Variants in ERICH6 observed in about 807,000 individuals in gnomAD.
ERICH6 encodes the protein glutamate-rich protein 6.
Under a neutral mutation model 71.0 loss-of-function variants are expected in ERICH6, and 71 were observed. The ratio of observed to expected loss-of-function variants is 1.00; its 90% CI spans 0.83 to 1.22. The LOEUF is 1.22. ERICH6 is among the 50% of genes most tolerant of loss of function. ERICH6 has a pLI of 0.00. For missense variants in ERICH6, 808 were observed against 797.2 expected (o/e 1.01, Z -0.16); for synonymous variants, 262 against 278.4 (o/e 0.94, Z 0.59).
In ERICH6 at chr3:150,660,176, G is replaced by A. The variant is rs760615366; in HGVS notation, c.1729-21C>T. 3.7e-6 allele frequency: 6 copies of A among 1,605,598 alleles called. No individual in the cohort carries two copies. In the East Asian group the frequency reaches 1.1e-4, roughly 30 times the overall value. The stretch of plus-strand genomic sequence containing the variant: ...GGTAGCTTTTCAGCAAAGAGAAAGA[G>A]AAGGAAACTCAGAGTCCAGAAGTGG... On this transcript the variant is annotated intron_variant, in intron 13 of 13. Transcript: ENST00000295910.
chr3:150,693,321 AG>A (rs1385112319), intron 3 of ERICH6, among the ~76,000 whole-genome samples: 2 of 152,200 alleles, frequency 1.3e-5, no homozygotes, highest in African/African-American at 2.4e-5. Flanking sequence ...GCTTTCCTTA[AG>A]GAATCAAATC....
chr3:150,677,541 G>T (rs1186847065), intron 10 of ERICH6, among the ~76,000 whole-genome samples: 1 of 151,068 alleles, frequency 6.6e-6, no homozygotes, highest in East Asian at 1.9e-4. Flanking sequence ...CTGTCACCCA[G>T]GCTGGAGTGC....
chr3:150,690,103 C>T lies in ERICH6; in HGVS notation c.554-3749G>A, dbSNP rs149117606. ...TCTCCCTCTTTGGAAACCTAGGATTCGGCATGGGCTTTGCCCAGAGCTCAG... is the reference window on the plus strand; with the variant it reads ...TCTCCCTCTTTGGAAACCTAGGATTTGGCATGGGCTTTGCCCAGAGCTCAG... On this transcript the variant is annotated intron_variant, in intron 3 of 13. Coordinates refer to ENST00000295910, the MANE Select transcript of ERICH6 (RefSeq NM_152394.5). Among the ~76,000 whole-genome samples the T allele has an allele frequency of 2.8e-4, 42 of 152,256 alleles. No homozygotes were observed. The East Asian group carries it at 4.6e-3, about 17-fold the overall frequency.
chr3:150,663,534 G>A (rs1258353223), intron 13 of ERICH6, among the ~76,000 whole-genome samples: 1 of 139,528 alleles, frequency 7.2e-6, no homozygotes, highest in Non-Finnish European at 1.5e-5. Context: ...GGCTCATGCA[G>A]CCTTGAACCC....
intron 7 of ERICH6, among the ~76,000 whole-genome samples, chr3:150,681,807 C>CT (rs34909258): frequency 0.35 from 24,705 of 70,300 alleles, 4,103 homozygotes; most frequent in South Asian, 0.46. Context: ...ACACATAACT[C>CT]TTTTTTTTTT....
At chr3:150,686,084 T>G (rs1444303111) in intron 4 of ERICH6, 63 bp from the exon 5 acceptor site, 3 of 1,385,240 alleles carry the variant, frequency 2.2e-6, no homozygotes, top group Admixed American at 1.7e-5. Flanking sequence ...ATTCCACTTC[T>G]GTAATTTGGA....
Position 150,687,256 on chromosome 3 carries a change from G to A in ERICH6, c.554-902C>T, listed in dbSNP as rs551272355. Reference sequence around the variant, plus strand: ...AAAGAGATAATTCATGTCCCAGGCAGGACAGAGTGGGATAGTGAGAGATTT... The same window carrying A: ...AAAGAGATAATTCATGTCCCAGGCAAGACAGAGTGGGATAGTGAGAGATTT... On this transcript the variant is annotated intron_variant, in intron 3 of 13. Coordinates refer to ENST00000295910, the MANE Select transcript of ERICH6 (RefSeq NM_152394.5). Among the ~76,000 whole-genome samples, 11 of 152,318 alleles carry A rather than the reference G, an allele frequency of 7.2e-5. No individual in the cohort carries two copies. In the South Asian group the frequency reaches 1.2e-3, roughly 17 times the overall value.
intron 4 of ERICH6, 115 bp downstream of exon 4, chr3:150,686,183 C>A (rs1306905823): frequency 1.5e-6 from 2 of 1,312,156 alleles, no homozygotes; most frequent in Non-Finnish European, 1.1e-6. Context: ...CTTCTCACAC[C>A]TGTTCTTAGG....
Position 150,698,793 on chromosome 3 carries a change from G to A in ERICH6, c.551C>T (p.Ser184Leu), listed in dbSNP as rs752029105. 58 of 1,612,128 alleles carry A rather than the reference G, an allele frequency of 3.6e-5. No individual in the cohort carries two copies. The highest frequency in any genetic ancestry group is 3.3e-4 in the Middle Eastern group (2 of 6,074). Residue 184 changes from serine (S) to leucine (L), a missense_variant and splice_region_variant, in exon 3 of 14, where the codon TCG (serine) becomes TTG (leucine). Coordinates refer to ENST00000295910, the MANE Select transcript of ERICH6 (RefSeq NM_152394.5). ...AGCTAAGAAATCAAACTACTCACTC[G>A]ATTGCACTTTATCAGACAAATCTTG... The part of the protein sequence containing the change: ...WLQDLSDKVQ[S>L]RKKASKEKAE...
intron 13 of ERICH6, among the ~76,000 whole-genome samples, chr3:150,665,785 G>A (rs1224685620): frequency 1.5e-5 from 2 of 137,694 alleles, no homozygotes; most frequent in African/African-American, 5.5e-5. Flanking sequence ...CTGAGATCGC[G>A]CCACTGTACT....
chr3:150,669,484 A>C (rs1342037168), intron 11 of ERICH6, 33 bp from the exon 12 acceptor site: 5 of 1,603,960 alleles, frequency 3.1e-6, no homozygotes, highest in Non-Finnish European at 4.2e-6. Flanking sequence ...AAATTGTTCT[A>C]ATGCTCCTTG....
At chr3:150,669,626 C>CA (rs1351836814) in intron 11 of ERICH6, among the ~76,000 whole-genome samples, 175 bp from the exon 12 acceptor site, 1 of 152,082 alleles carries the variant, frequency 6.6e-6, no homozygotes, top group African/African-American at 2.4e-5. Context: ...TCATGAGATG[C>CA]AAAAATCCTC....
intron 3 of ERICH6, among the ~76,000 whole-genome samples, chr3:150,692,435 C>T (rs1469822061): frequency 1.3e-5 from 2 of 152,032 alleles, no homozygotes; most frequent in South Asian, 2.1e-4. Context: ...AATGGTCAAA[C>T]TTTCCAAATC....
intron 4 of ERICH6, 40 bp downstream of exon 4, chr3:150,686,258 C>A: frequency 1.2e-6 from 2 of 1,603,746 alleles, no homozygotes; most frequent in Middle Eastern, 1.7e-4. Flanking sequence ...GGTAGTTTAC[C>A]TTTGCCAGCA....
chr3:150,685,166 T>G (rs986418242), intron 6 of ERICH6, among the ~76,000 whole-genome samples: 8 of 152,168 alleles, frequency 5.3e-5, no homozygotes, highest in Admixed American at 5.2e-4. Context: ...CTCTTACAGG[T>G]TGAATTGTGT....
At chr3:150,669,598 A>G (rs1711497214) in intron 11 of ERICH6, 147 bp from the exon 12 acceptor site, 2 of 844,168 alleles carry the variant, frequency 2.4e-6, no homozygotes, top group South Asian at 1.9e-5. Flanking sequence ...TATGCTTTTT[A>G]TGTGGATCAG....
At chr3:150,671,844 G>GA (rs1253608437) in intron 11 of ERICH6, among the ~76,000 whole-genome samples, 1 of 152,146 alleles carries the variant, frequency 6.6e-6, no homozygotes, top group Non-Finnish European at 1.5e-5. Context: ...TGCCCAGGCT[G>GA]ATCTCAAATT....
intron 3 of ERICH6, among the ~76,000 whole-genome samples, chr3:150,692,418 C>T (rs1417464299): frequency 1.3e-5 from 2 of 151,934 alleles, no homozygotes; most frequent in African/African-American, 4.8e-5. Flanking sequence ...TGTTTTAAAC[C>T]TTTGATAATG....
intron 3 of ERICH6, among the ~76,000 whole-genome samples, chr3:150,687,114 CA>C (rs1443812141): frequency 3.9e-5 from 6 of 152,168 alleles, no homozygotes; most frequent in Non-Finnish European, 5.9e-5. Context: ...CGTGGGCTAC[CA>C]AGCAAATGTG....
Sources: gnomAD v4.1 joint callset for allele counts (sites outside exome capture counted in the v4.1 genomes callset) on GRCh38, gnomAD v4.1.1 for gene constraint, MANE v1.5 for transcripts, NCBI Gene and HGNC (gene_info 2026-07-23, HGNC 2026-07-21) for gene names.